CLTRN: variants seen among roughly 807,000 people sequenced by gnomAD.
The protein encoded by CLTRN is collectrin.
A neutral mutation model predicts 14.5 loss-of-function variants in CLTRN; 12 were observed. The ratio of observed to expected loss-of-function variants is 0.83; its 90% CI spans 0.53 to 1.34. The LOEUF (loss-of-function observed/expected upper bound fraction) is 1.34. Ranked by LOEUF, CLTRN falls within the 40% of genes most tolerant of loss-of-function variation. The pLI is 0.00. For missense variants in CLTRN, 154 were observed against 165.1 expected (o/e 0.93, Z 0.37); for synonymous variants, 58 against 56.5 (o/e 1.03, Z -0.12).
intron 5 of CLTRN, among the ~76,000 whole-genome samples, chrX:15,636,249 A>C (rs376146267): frequency 1.2e-4 from 14 of 112,558 alleles, no homozygotes; most frequent in South Asian, 7.4e-4. Context: ...CTGCACTTTT[A>C]TGTTCAACCC....
chrX:15,671,842 GCGCA>G (rs1278347596), intron 1 of CLTRN, among the ~76,000 whole-genome samples: 1 of 59,387 alleles, frequency 1.7e-5, no homozygotes, highest in Non-Finnish European at 2.8e-5. Context: ...AATTTTATGC[GCGCA>G]CACACACACA....
intron 1 of CLTRN, among the ~76,000 whole-genome samples, chrX:15,670,038 G>A (rs747743626): frequency 1.8e-5 from 2 of 111,148 alleles, no homozygotes; most frequent in East Asian, 5.6e-4. Context: ...CACTTTGGGA[G>A]GGCGAGGCAA....
At chrX:15,658,048 G>A (rs900496066) in intron 3 of CLTRN, among the ~76,000 whole-genome samples, 8 of 111,543 alleles carry the variant, frequency 7.2e-5, no homozygotes, top group African/African-American at 2.3e-4. Context: ...CAAAAAGATT[G>A]TACAGATGGG....
rs1380517108 is a variant in CLTRN, at chrX:15,646,653, G to A, written c.204-1624C>T. ...CCGCATCCGGAGAGAGATGGTGCCC[G>A]CCCGCATCCGCGTCCTGAGAGAGAT... On this transcript the variant is annotated intron_variant, in intron 3 of 5. Coordinates refer to ENST00000380342, the MANE Select transcript of CLTRN (RefSeq NM_020665.6). 2.4e-5 allele frequency: 8 copies of A among 339,760 alleles called. No homozygotes were observed. The East Asian group carries it at 3.9e-4, about 17-fold the overall frequency. 28.0% of individuals were successfully genotyped at this position (339,760 alleles called of 1,213,427 possible).
At chrX:15,667,210 C>T (rs1424004344), upstream of CLTRN, among the ~76,000 whole-genome samples, 1 of 107,693 alleles carries the variant, frequency 9.3e-6, no homozygotes, top group Non-Finnish European at 1.9e-5. Flanking sequence ...GCACTCCAGC[C>T]GGGGCAACAG....
chrX:15,633,251 A>G (rs6629111), intron 5 of CLTRN, among the ~76,000 whole-genome samples: 31,389 of 111,262 alleles, frequency 0.28, 3,587 homozygotes, highest in East Asian at 0.52. Context: ...ATCAGACTAG[A>G]TGTTTTGTAT....
At chrX:15,671,250 G>A (rs926226482) in intron 1 of CLTRN, among the ~76,000 whole-genome samples, 7 of 111,958 alleles carry the variant, frequency 6.3e-5, no homozygotes, top group African/African-American at 2.3e-4. Flanking sequence ...GATTTGACAA[G>A]TCAATTATAA....
chrX:15,660,022 C>G (rs1929468598), intron 2 of CLTRN, among the ~76,000 whole-genome samples: 1 of 111,342 alleles, frequency 9.0e-6, no homozygotes, highest in Non-Finnish European at 1.9e-5. Flanking sequence ...AGGAGGGTAG[C>G]AACTAAAGAG....
At chrX:15,670,519 C>G (rs1455230366) in intron 1 of CLTRN, among the ~76,000 whole-genome samples, 2 of 111,286 alleles carry the variant, frequency 1.8e-5, no homozygotes, top group East Asian at 5.6e-4. Flanking sequence ...ATAATTTATA[C>G]AATGTTTTCA....
intron 5 of CLTRN, among the ~76,000 whole-genome samples, chrX:15,637,053 C>T (rs1928835264): frequency 9.0e-6 from 1 of 111,048 alleles, no homozygotes. Flanking sequence ...GAAATTTCCT[C>T]AATAGTAAGT....
chrX:15,632,876 T>C (rs1928732658), intron 5 of CLTRN, among the ~76,000 whole-genome samples: 1 of 60,672 alleles, frequency 1.6e-5, no homozygotes. Context: ...AGAGCAAGAC[T>C]CTGTCTCAAA....
At chrX:15,634,224 A>C (rs945494729) in intron 5 of CLTRN, among the ~76,000 whole-genome samples, 2 of 111,938 alleles carry the variant, frequency 1.8e-5, no homozygotes, top group Admixed American at 1.9e-4. Flanking sequence ...CTAGTAACTT[A>C]AATTGATATA....
intron 2 of CLTRN, 91 bp from the exon 3 acceptor site, chrX:15,659,192 C>CACACA (rs1555983773): frequency 3.4e-6 from 1 of 290,205 alleles, no homozygotes; most frequent in Admixed American, 3.9e-5. Flanking sequence ...CTCTCTCTCT[C>CACACA]CACACACACA....
At chrX:15,646,622 C>T (rs1185193169) in intron 3 of CLTRN, 7 of 339,830 alleles carry the variant, frequency 2.1e-5, no homozygotes, top group African/African-American at 1.6e-4. Context: ...GGGACTACGC[C>T]CGCATCCGCA....
chrX:15,629,544 A>G (rs956784037), intron 5 of CLTRN, among the ~76,000 whole-genome samples: 3 of 111,689 alleles, frequency 2.7e-5, no homozygotes, highest in Non-Finnish European at 5.6e-5. Context: ...AAAATTGTAT[A>G]TATTTCAAAA....
Position 15,664,784 on chromosome X carries a change from G to C in CLTRN, c.-9C>G. 8.3e-7 allele frequency: 1 copy of C among 1,204,521 alleles called. No individual in the cohort carries two copies. Among genetic ancestry groups the C allele is most frequent in the Non-Finnish European group, 1.1e-6 (1 of 890,403 alleles). ...AAGAGCAGCCACAACATTCTTTCAG[G>C]GTGGAAAACACAAGGCAAAGTGAGA... On this transcript the variant is annotated 5_prime_UTR_variant, in exon 1 of 6. Coordinates refer to ENST00000380342, the MANE Select transcript of CLTRN (RefSeq NM_020665.6).
At chrX:15,663,883 T>C (rs1405127032) in intron 2 of CLTRN, among the ~76,000 whole-genome samples, 4 of 112,665 alleles carry the variant, frequency 3.6e-5, no homozygotes. Context: ...TTGAGAATAA[T>C]TGAAGAAACT....
At chrX:15,629,196 T>G (rs955695772) in intron 5 of CLTRN, among the ~76,000 whole-genome samples, 1 of 110,871 alleles carries the variant, frequency 9.0e-6, no homozygotes, top group Non-Finnish European at 1.9e-5. Flanking sequence ...AAATGCCAAA[T>G]AGCAGAAAAG....
intron 5 of CLTRN, among the ~76,000 whole-genome samples, chrX:15,638,622 C>T (rs897070626): frequency 4.5e-5 from 5 of 111,824 alleles, no homozygotes; most frequent in African/African-American, 6.5e-5. Flanking sequence ...GGTTTACAAG[C>T]ATTAAAGTCT....
Sources: allele counts gnomAD v4.1 joint callset (sites outside exome capture counted in the v4.1 genomes callset), GRCh38; gene constraint gnomAD v4.1.1; transcripts MANE v1.5; gene names NCBI Gene and HGNC (gene_info 2026-07-23, HGNC 2026-07-21).